Variants in CDH13 observed in about 807,000 individuals in gnomAD.
CDH13 encodes cadherin-13.
A neutral mutation model predicts 63.8 loss-of-function variants in CDH13; 24 were observed. The observed-to-expected ratio is 0.38, with a 90% CI of 0.27 to 0.53. CDH13 has a LOEUF of 0.53. Ranked by LOEUF, CDH13 falls within the 20% of genes least tolerant of loss-of-function variation. The probability of loss-of-function intolerance (pLI) is 0.85; values close to 1 mark genes in which losing one functional copy is unlikely to be tolerated. For missense variants in CDH13, 1,049 were observed against 903.1 expected (o/e 1.16, Z -2.07); for synonymous variants, 503 against 355.3 (o/e 1.42, Z -4.67).
chr16:83,756,547 A>AT (rs1449011283), intron 11 of CDH13, among the ~76,000 whole-genome samples: 1 of 152,168 alleles, frequency 6.6e-6, no homozygotes, highest in African/African-American at 2.4e-5. Flanking sequence ...ACATTATGAA[A>AT]TTTTTTGGCG....
chr16:83,397,957 T>C (rs923707540), intron 6 of CDH13: 3 of 148,606 alleles, frequency 2.0e-5, no homozygotes, highest in African/African-American at 7.5e-5. Context: ...GCCCCAGATG[T>C]TCAATGCCTG....
intron 7 of CDH13, among the ~76,000 whole-genome samples, chr16:83,557,012 G>C (rs904257662): frequency 6.6e-6 from 1 of 152,198 alleles, no homozygotes; most frequent in Admixed American, 6.5e-5. Context: ...CAGCAGGAGA[G>C]GTGAGCAGTG....
intron 6 of CDH13, among the ~76,000 whole-genome samples, chr16:83,431,310 G>A (rs1371902273): frequency 6.6e-6 from 1 of 151,864 alleles, no homozygotes. Context: ...TTGTTGCATA[G>A]TTGGCTGCGT....
intron 5 of CDH13, among the ~76,000 whole-genome samples, chr16:83,281,277 C>T (rs929834970): frequency 6.6e-6 from 1 of 152,210 alleles, no homozygotes; most frequent in Admixed American, 6.5e-5. Flanking sequence ...TGGCTTCTTT[C>T]CTTAAACCTC....
intron 1 of CDH13, among the ~76,000 whole-genome samples, chr16:82,636,846 T>C (rs1338217109): frequency 6.6e-6 from 1 of 152,218 alleles, no homozygotes; most frequent in East Asian, 1.9e-4. Flanking sequence ...AATTTGAATC[T>C]GCCAACCTGA....
At chr16:83,063,813 T>C (rs2031783362) in intron 3 of CDH13, among the ~76,000 whole-genome samples, 1 of 152,178 alleles carries the variant, frequency 6.6e-6, no homozygotes, top group Non-Finnish European at 1.5e-5. Flanking sequence ...GGAGCATTTG[T>C]TCCTTGTCTC....
At chr16:82,992,464 A>T (rs1452683002) in intron 2 of CDH13, among the ~76,000 whole-genome samples, 2 of 152,188 alleles carry the variant, frequency 1.3e-5, no homozygotes, top group Non-Finnish European at 2.9e-5. Context: ...ACGTGCAGAG[A>T]GACTGGTTTA....
intron 6 of CDH13, among the ~76,000 whole-genome samples, chr16:83,381,215 A>C (rs1222843108): frequency 6.6e-6 from 1 of 151,960 alleles, no homozygotes; most frequent in Non-Finnish European, 1.5e-5. Context: ...CTAATTTCTA[A>C]AGTTGATGTT....
intron 2 of CDH13, among the ~76,000 whole-genome samples, chr16:82,939,959 A>T (rs2042782667): frequency 6.6e-6 from 1 of 152,180 alleles, no homozygotes; most frequent in Non-Finnish European, 1.5e-5. Flanking sequence ...TGGAAGGTGA[A>T]GAGGAGCAAA....
intron 1 of CDH13, 83 bp downstream of exon 1, chr16:82,627,220 T>G: frequency 1.7e-6 from 2 of 1,159,900 alleles, no homozygotes; most frequent in Non-Finnish European, 2.5e-6. Flanking sequence ...GAGGGGGCTT[T>G]CGGGGGGTCG....
intron 5 of CDH13, among the ~76,000 whole-genome samples, chr16:83,335,786 A>T (rs920163285): frequency 1.1e-4 from 17 of 151,660 alleles, no homozygotes; most frequent in African/African-American, 4.1e-4. Context: ...CCAGTCACGT[A>T]CCCCCTGCTT....
chr16:83,094,965 G>A (rs1184963441), intron 3 of CDH13, among the ~76,000 whole-genome samples: 1 of 152,182 alleles, frequency 6.6e-6, no homozygotes, highest in Non-Finnish European at 1.5e-5. Context: ...CCTTGTGTGA[G>A]CTTGAGGTCC....
chr16:83,601,020 C>G (rs1361136215), intron 7 of CDH13, among the ~76,000 whole-genome samples: 1 of 152,124 alleles, frequency 6.6e-6, no homozygotes, highest in Admixed American at 6.5e-5. Flanking sequence ...CACAGGGAAA[C>G]AGAACTTCCT....
At chr16:83,262,448 C>A (rs1316541601) in intron 5 of CDH13, among the ~76,000 whole-genome samples, 1 of 152,130 alleles carries the variant, frequency 6.6e-6, no homozygotes, top group Non-Finnish European at 1.5e-5. Context: ...GAAGAAATTT[C>A]ATTTTCTTTC....
At chr16:83,469,214 G>A (rs1410042821) in intron 6 of CDH13, among the ~76,000 whole-genome samples, 10 of 152,138 alleles carry the variant, frequency 6.6e-5, no homozygotes, top group Non-Finnish European at 1.5e-4. Context: ...AGCTTGACTT[G>A]CAAATAGAGC....
At chr16:82,967,548 G>T (rs147052704) in intron 2 of CDH13, among the ~76,000 whole-genome samples, 32 of 152,294 alleles carry the variant, frequency 2.1e-4, no homozygotes, top group African/African-American at 7.5e-4. Context: ...TCCCCTTGGC[G>T]TGGGAAGCCC....
At chr16:83,316,452 C>G (rs545496449) in intron 5 of CDH13, among the ~76,000 whole-genome samples, 63 of 152,270 alleles carry the variant, frequency 4.1e-4, no homozygotes, top group Middle Eastern at 3.4e-3. Flanking sequence ...AAAAGACAGT[C>G]AGTGCTACCG....
At position 83,067,888 on chromosome 16, in the gene CDH13, C is replaced by T. The variant is rs8045881; in HGVS notation, c.366+35670C>T. 7.6e-3 allele frequency among the ~76,000 whole-genome samples: 1,155 copies of T among 152,204 alleles called. 17 individuals are homozygous for T. Among genetic ancestry groups the T allele is most frequent in the African/African-American group, 0.022 (908 of 41,506 alleles). ...CTCCCATCCCCTCTATCCTCCATTTCGCCACCTGCTCTGGCCAAAAAGTTT... is the reference window on the plus strand; with the variant it reads ...CTCCCATCCCCTCTATCCTCCATTTTGCCACCTGCTCTGGCCAAAAAGTTT... On this transcript the variant is annotated intron_variant, in intron 3 of 13. Transcript: ENST00000567109.
intron 2 of CDH13, among the ~76,000 whole-genome samples, chr16:82,970,539 A>G (rs1908581077): frequency 2.1e-5 from 3 of 143,492 alleles, no homozygotes; most frequent in Admixed American, 7.0e-5. Context: ...AGCTGGGACT[A>G]CAGGCGCCCG....
Sources: allele counts gnomAD v4.1 joint callset (sites outside exome capture counted in the v4.1 genomes callset), GRCh38; gene constraint gnomAD v4.1.1; transcripts MANE v1.5; gene names NCBI Gene and HGNC (gene_info 2026-07-23, HGNC 2026-07-21).